Variants in SH3BP4 observed in about 807,000 individuals in gnomAD.
SH3BP4 encodes SH3 domain binding protein 4.
Under a neutral mutation model 65.5 loss-of-function variants are expected in SH3BP4, and 33 were observed. The ratio of observed to expected loss-of-function variants is 0.50; its 90% CI spans 0.38 to 0.67. The LOEUF (loss-of-function observed/expected upper bound fraction) is 0.67, where lower values mean the gene tolerates loss of function less well. Ranked by LOEUF, SH3BP4 falls within the 30% of genes least tolerant of loss-of-function variation. The probability of loss-of-function intolerance (pLI) is 0.00; values close to 1 mark genes in which losing one functional copy is unlikely to be tolerated. For missense variants in SH3BP4, 1,134 were observed against 1,261.4 expected, an observed-to-expected ratio of 0.90 and a Z score of 1.53; for synonymous variants, 552 against 545.5, an observed-to-expected ratio of 1.01 and a Z score of -0.17.
chr2:235,005,140 G>A (rs1285712481), intron 2 of SH3BP4, among the ~76,000 whole-genome samples: 2 of 152,218 alleles, frequency 1.3e-5, no homozygotes, highest in African/African-American at 4.8e-5. Context: ...ACAGACCTAG[G>A]CCAGGTGTTT....
intron 4 of SH3BP4, among the ~76,000 whole-genome samples, chr2:235,044,743 G>A (rs1695787473): frequency 6.6e-6 from 1 of 152,342 alleles, no homozygotes; most frequent in African/African-American, 2.4e-5. Flanking sequence ...GGTCACATGT[G>A]GCACATACCC....
rs1695160449 is a variant in SH3BP4 at position 235,030,799 on chromosome 2, C to T, written c.-132-4072C>T. ...GTGGTGTCTGGAGGAGCAGAGCTTC[C>T]CTTTCAGCCCTCGGTGTGACTCCAC... On this transcript the variant is annotated intron_variant, in intron 2 of 5. Coordinates refer to ENST00000392011, the MANE Select transcript of SH3BP4 (RefSeq NM_014521.3). This position sits in a 1 kb window ranked among gnomAD's most constrained non-coding sequence, Gnocchi z 4.1. 6.6e-6 allele frequency among the ~76,000 whole-genome samples: 1 copy of T among 152,148 alleles called. No individual in the cohort carries two copies. The highest frequency in any genetic ancestry group is 2.4e-5 in the African/African-American group (1 of 41,422).
At chr2:234,982,378 G>A (rs1369679640) in intron 1 of SH3BP4, among the ~76,000 whole-genome samples, 2 of 152,164 alleles carry the variant, frequency 1.3e-5, no homozygotes, top group African/African-American at 2.4e-5. Context: ...TTATGGAGGC[G>A]GAATGGAGAG....
Position 235,041,197 on chromosome 2 carries a change from G to A in SH3BP4, c.428G>A (p.Gly143Glu). The stretch of plus-strand genomic sequence containing the variant: ...GTAGCCAAGGAGCTGGAGCTGCTCG[G>A]GGGATGGACAGATGACAAAAAAGTA... ...DEVAKELELL[G>E]GWTDDKKVPG... The change falls in exon 4 of 6, where the codon GGG (glycine) becomes GAG (glutamate). Residue 143 changes from glycine (G) to glutamate (E), a missense_variant. Physicochemically the swap from Gly to Glu is moderately conservative, Grantham distance 98. Transcript: ENST00000392011. This position sits in a 1 kb window ranked among gnomAD's most constrained non-coding sequence, Gnocchi z 6.0. The A allele has an allele frequency of 5.0e-6, 8 of 1,614,128 alleles. No homozygotes were observed. The highest frequency in any genetic ancestry group is 6.8e-6 in the Non-Finnish European group (8 of 1,180,024).
At chr2:235,014,283 G>A (rs539134529) in intron 2 of SH3BP4, among the ~76,000 whole-genome samples, 2 of 152,170 alleles carry the variant, frequency 1.3e-5, no homozygotes, top group African/African-American at 4.8e-5. Context: ...CTCAGCGAGC[G>A]TGGAGGCTGG....
intron 2 of SH3BP4, among the ~76,000 whole-genome samples, chr2:235,012,986 C>G (rs1369520858): frequency 1.3e-5 from 2 of 152,242 alleles, no homozygotes; most frequent in Non-Finnish European, 2.9e-5. Context: ...TGCACGCTCC[C>G]TAAATGCAGA....
At chr2:235,029,063 T>C (rs1334193816) in intron 2 of SH3BP4, among the ~76,000 whole-genome samples, 1 of 152,094 alleles carries the variant, frequency 6.6e-6, no homozygotes, top group Non-Finnish European at 1.5e-5. Context: ...GGCTGCTAAT[T>C]GAGGGGTGGA....
chr2:235,002,393 G>T (rs768422273), intron 2 of SH3BP4, among the ~76,000 whole-genome samples: 1 of 152,108 alleles, frequency 6.6e-6, no homozygotes, highest in Non-Finnish European at 1.5e-5. Flanking sequence ...TAGCAGCCTC[G>T]TTTTACAGAT....
In SH3BP4 at chr2:234,976,570, G is replaced by A. The variant is rs1008119166; in HGVS notation, c.-206-18733G>A. Among the ~76,000 whole-genome samples the A allele has an allele frequency of 3.9e-5, 6 of 152,062 alleles. No homozygotes were observed. The highest frequency in any genetic ancestry group is 1.4e-4 in the African/African-American group (6 of 41,404). On this transcript the variant is annotated intron_variant, in intron 1 of 5. Coordinates refer to ENST00000392011, the MANE Select transcript of SH3BP4 (RefSeq NM_014521.3). This position sits in a 1 kb window ranked among gnomAD's most constrained non-coding sequence, Gnocchi z 4.7. ...CCGATGTTTACCCGCCTCTGGTAGC[G>A]GACATAGGGGCATCTCTGAGCAGAG... is the stretch of plus-strand genomic sequence containing the variant.
chr2:234,964,438 C>T (rs889944244), intron 1 of SH3BP4, among the ~76,000 whole-genome samples: 1 of 152,188 alleles, frequency 6.6e-6, no homozygotes, highest in African/African-American at 2.4e-5. Flanking sequence ...GGGAGCCCAC[C>T]AGATGCAGCG....
chr2:235,053,567 T>G (rs1388678473), intron 5 of SH3BP4, 25 bp from the exon 6 acceptor site: 1 of 1,579,992 alleles, frequency 6.3e-7, no homozygotes, highest in Non-Finnish European at 8.7e-7. Flanking sequence ...TCCCTCCTTT[T>G]GTTTTTTACA....
chr2:235,010,843 A>G (rs371960492), intron 2 of SH3BP4, among the ~76,000 whole-genome samples: 6 of 56,810 alleles, frequency 1.1e-4, no homozygotes, highest in East Asian at 3.7e-4. Context: ...TCCTAGGAGA[A>G]CCCTTCCTCC....
chr2:234,954,944 T>C (rs935517625), intron 1 of SH3BP4, among the ~76,000 whole-genome samples: 10 of 152,286 alleles, frequency 6.6e-5, no homozygotes, highest in Admixed American at 1.3e-4. Context: ...AGTTCCAGCC[T>C]CGTTTCAGGT....
chr2:235,052,450 T>G lies in SH3BP4; in HGVS notation c.2479-112T>G. ...ACATTTGGTAGTAGGCCAGGGAACA[T>G]GGAGAATAGAGAGCCCATGGCCATT... On this transcript the variant is annotated intron_variant, in intron 4 of 5. Transcript: ENST00000392011. This position sits in a 1 kb window ranked among gnomAD's most constrained non-coding sequence, Gnocchi z 5.0. 5.2e-6 allele frequency: 4 copies of G among 764,188 alleles called. No individual in the cohort carries two copies. The highest frequency in any genetic ancestry group is 8.1e-6 in the Non-Finnish European group (4 of 495,102). 47.3% of individuals were successfully genotyped at this position (764,188 alleles called of 1,614,324 possible). A position where few individuals can be genotyped will look rare whatever the true frequency, so the allele number is the denominator to read the frequency against.
chr2:234,957,910 G>C (rs1559222674), intron 1 of SH3BP4, among the ~76,000 whole-genome samples: 1 of 152,290 alleles, frequency 6.6e-6, no homozygotes, highest in East Asian at 1.9e-4. Context: ...GAAGTGCTGG[G>C]CTAGGAGAGG....
chr2:234,996,942 C>G (rs111433460), intron 2 of SH3BP4, among the ~76,000 whole-genome samples: 5,949 of 150,862 alleles, frequency 0.039, 377 homozygotes, highest in African/African-American at 0.13. Context: ...TTTGCTTTTT[C>G]TGACCCTGTG....
chr2:234,958,975 C>T (rs933665341), intron 1 of SH3BP4, among the ~76,000 whole-genome samples: 18 of 152,004 alleles, frequency 1.2e-4, no homozygotes, highest in Non-Finnish European at 2.5e-4. Context: ...TTGGGGTACC[C>T]GTGCGGTGGG....
At chr2:235,027,989 C>T (rs144047905) in intron 2 of SH3BP4, among the ~76,000 whole-genome samples, 2,048 of 152,236 alleles carry the variant, frequency 0.013, 24 homozygotes, top group Non-Finnish European at 0.018. Flanking sequence ...GGGGTGTGTG[C>T]GGCTTCTTGA....
chr2:235,013,764 G>A (rs1694598075), intron 2 of SH3BP4, among the ~76,000 whole-genome samples: 1 of 152,170 alleles, frequency 6.6e-6, no homozygotes, highest in African/African-American at 2.4e-5. Context: ...TGTTCAGATA[G>A]TTCCAGTATC....
Sources: allele counts gnomAD v4.1 joint callset (sites outside exome capture counted in the v4.1 genomes callset), GRCh38; gene constraint gnomAD v4.1.1; non-coding constraint Gnocchi (gnomAD v3.1); transcripts MANE v1.5; gene names NCBI Gene and HGNC (gene_info 2026-07-23, HGNC 2026-07-21).